Variants in BYSL observed in about 807,000 individuals in gnomAD.
BYSL encodes bystin.
In BYSL, 21 loss-of-function variants were observed where a neutral mutation model predicts 45.4. The ratio of observed to expected loss-of-function variants is 0.46; its 90% CI spans 0.33 to 0.67. The LOEUF is 0.67. BYSL is among the 30% of genes least tolerant of loss of function. The probability of loss-of-function intolerance (pLI) is 0.02; values close to 1 mark genes in which losing one functional copy is unlikely to be tolerated. For missense variants in BYSL, 522 were observed against 578.5 expected (o/e 0.90, Z 1.00); for synonymous variants, 215 against 231.3 (o/e 0.93, Z 0.64).
In BYSL at chr6:41,921,734, A is replaced by T; in HGVS notation, c.172A>T (p.Ile58Phe). Residue 58 changes from isoleucine (I) to phenylalanine (F), a missense_variant, in exon 1 of 7, where the codon ATT becomes TTT. Physicochemically the swap from Ile to Phe is conservative, Grantham distance 21 (BLOSUM62 0). Transcript: ENST00000230340. ...TGTGGGGCCCCGGCTGAGCCGACGG[A>T]TTTTGCAGCAAGCACGGCAGCAACA... ...EYVGPRLSRR[I>F]LQQARQQQEE... is the part of the protein sequence containing the mutation. 1 of 1,613,408 alleles carries T rather than the reference A, an allele frequency of 6.2e-7. No individual in the cohort carries two copies. Among genetic ancestry groups the T allele is most frequent in the South Asian group, 1.1e-5 (1 of 91,054 alleles).
the BYSL span, among the ~76,000 whole-genome samples, chr6:41,911,603 A>G: frequency 6.6e-6 from 1 of 152,226 alleles, no homozygotes; most frequent in African/African-American, 2.4e-5. Flanking sequence ...TTTGAACTGC[A>G]ATATGAAGAG....
the BYSL span, chr6:41,909,322 C>T: frequency 3.1e-6 from 5 of 1,614,140 alleles, no homozygotes; most frequent in Non-Finnish European, 4.2e-6. Context: ...CCCACCTTCA[C>T]CAGGAAGTCA....
upstream of BYSL, among the ~76,000 whole-genome samples, chr6:41,918,233 G>A (rs1340874089): frequency 6.6e-6 from 1 of 152,224 alleles, no homozygotes. Context: ...GCCGGGCATG[G>A]TGGCTCACGC....
At chr6:41,916,610 T>C (rs1208792485), upstream of BYSL, among the ~76,000 whole-genome samples, 1 of 151,636 alleles carries the variant, frequency 6.6e-6, no homozygotes, top group Non-Finnish European at 1.5e-5. Flanking sequence ...AAATAAAGCT[T>C]TCAAAGGCCC....
chr6:41,920,223 T>C (rs1775424728), upstream of BYSL, among the ~76,000 whole-genome samples: 1 of 152,180 alleles, frequency 6.6e-6, no homozygotes, highest in South Asian at 2.1e-4. Context: ...AAACGGGTCC[T>C]AAAGAGATAA....
At chr6:41,908,955 G>A in the BYSL span, 1 of 398,046 alleles carries the variant, frequency 2.5e-6, no homozygotes, top group Non-Finnish European at 4.5e-6. Flanking sequence ...GGCTGAGATG[G>A]GAGGATCAAT....
At chr6:41,922,898 T>G (rs932790785) in intron 1 of BYSL, among the ~76,000 whole-genome samples, 2 of 152,188 alleles carry the variant, frequency 1.3e-5, no homozygotes, top group African/African-American at 2.4e-5. Flanking sequence ...TATTCTTTCA[T>G]TTGCTCGAGA....
chr6:41,927,634 C>T, intron 2 of BYSL, 98 bp downstream of exon 2: 3 of 1,468,848 alleles, frequency 2.0e-6, no homozygotes, highest in Non-Finnish European at 2.8e-6. Flanking sequence ...TTGGAAAGGG[C>T]CCTGGAGTTG....
Position 41,932,691 on chromosome 6 carries a change from C to T in BYSL, c.1299C>T (p.Pro433=), listed in dbSNP as rs777620140. 1.4e-5 allele frequency: 23 copies of T among 1,610,696 alleles called. No individual in the cohort carries two copies. The East Asian group carries it at 4.5e-4, about 31-fold the overall frequency. ...SAVPRDVEDV[P]ITVE ...TCCCCCGCGATGTGGAAGATGTTCC[C>T]ATCACCGTGGAGTGAGGAAAACAGT... The change falls in exon 7 of 7, where the codon CCC becomes CCT. Residue 433 remains proline (P), a synonymous_variant. Transcript: ENST00000230340. This position sits in a 1 kb window ranked among gnomAD's most constrained non-coding sequence, Gnocchi z 4.7.
chr6:41,909,633 C>T, the BYSL span: 6 of 1,483,334 alleles, frequency 4.0e-6, no homozygotes, highest in Non-Finnish European at 5.5e-6. Flanking sequence ...GGCACTACCT[C>T]AGCAGTTCTT....
intron 1 of BYSL, among the ~76,000 whole-genome samples, chr6:41,922,399 G>A (rs1255634521): frequency 6.6e-6 from 1 of 152,242 alleles, no homozygotes; most frequent in Non-Finnish European, 1.5e-5. Context: ...GAGCGAGAGA[G>A]ATGAATTGAA....
intron 1 of BYSL, among the ~76,000 whole-genome samples, chr6:41,925,141 C>T (rs1190062703): frequency 1.3e-5 from 2 of 152,110 alleles, no homozygotes; most frequent in Non-Finnish European, 2.9e-5. Context: ...TAGGGTCTGG[C>T]ACTAAGGAGA....
At position 41,931,384 on chromosome 6, in the gene BYSL, A is replaced by G; in HGVS notation, c.705-12A>G. ...TGTGAGTTGGAAACTTCCCCCGCTTAACTCCCACTAGGATTTTTGCCTCTA... is the reference window on the plus strand; with the variant it reads ...TGTGAGTTGGAAACTTCCCCCGCTTGACTCCCACTAGGATTTTTGCCTCTA... On this transcript the variant is annotated splice_polypyrimidine_tract_variant and intron_variant, in intron 4 of 6. Coordinates refer to ENST00000230340, the MANE Select transcript of BYSL (RefSeq NM_004053.4). 1 of 1,614,016 alleles carries G rather than the reference A, an allele frequency of 6.2e-7. No homozygotes were observed. The highest frequency in any genetic ancestry group is 8.5e-7 in the Non-Finnish European group (1 of 1,179,906).
At chr6:41,917,060 T>A, upstream of BYSL, 1 of 1,036,110 alleles carries the variant, frequency 9.7e-7, no homozygotes, top group South Asian at 1.8e-5. Flanking sequence ...AATTACCTAC[T>A]CTGACCGTCT....
At position 41,932,386 on chromosome 6, in the gene BYSL, A is replaced by G. The variant is rs1378739890; in HGVS notation, c.994A>G (p.Met332Val). Residue 332 changes from methionine (M) to valine (V), a missense_variant, in exon 7 of 7, where the codon ATG becomes GTG. By Grantham distance (21) the Met-to-Val change is conservative. Coordinates refer to ENST00000230340, the MANE Select transcript of BYSL (RefSeq NM_004053.4). The surrounding 1 kb of genome is among the most constrained non-coding windows in gnomAD (Gnocchi z 4.7). The stretch of plus-strand genomic sequence containing the variant: ...TGCGGCCATGCTGAAAATTGCTGAG[A>G]TGGAATACAGCGGTGCCAACAGCAT... ...SSAAMLKIAE[M>V]EYSGANSIFL... The G allele has an allele frequency of 1.2e-6, 2 of 1,612,252 alleles. No homozygotes were observed. The highest frequency in any genetic ancestry group is 2.2e-5 in the East Asian group (1 of 44,878).
In BYSL at chr6:41,930,302, A is replaced by AC. The variant is rs758902882; in HGVS notation, c.570+36dup. ...GCTGAGAGGGGAGCCATGGTGGAAG[A>AC]CCCCTTTGGGGGCTGTGGGCTCCTG... is the stretch of plus-strand genomic sequence containing the variant. On this transcript the variant is annotated intron_variant, in intron 3 of 6. Transcript: ENST00000230340. The AC allele has an allele frequency of 3.6e-5, 57 of 1,601,260 alleles. No homozygotes were observed. In the Middle Eastern group the frequency reaches 6.7e-4, roughly 19 times the overall value.
At position 41,932,057 on chromosome 6, in the gene BYSL, G is replaced by A. The variant is rs1334256546; in HGVS notation, c.968+227G>A. 6.6e-6 allele frequency among the ~76,000 whole-genome samples: 1 copy of A among 152,134 alleles called. No homozygotes were observed. Among genetic ancestry groups the A allele is most frequent in the Non-Finnish European group, 1.5e-5 (1 of 68,028 alleles). ...GTTCTCAGTAAATAGATAAACAAAT[G>A]AGTAGGAAACACAGGAAGAAAGTAG... On this transcript the variant is annotated intron_variant, in intron 6 of 6. Coordinates refer to ENST00000230340, the MANE Select transcript of BYSL (RefSeq NM_004053.4). The surrounding 1 kb of genome is among the most constrained non-coding windows in gnomAD (Gnocchi z 4.7).
chr6:41,921,446 A>T (rs867440899), upstream of BYSL: 15 of 1,387,182 alleles, frequency 1.1e-5, no homozygotes, highest in South Asian at 2.0e-4. Flanking sequence ...TCCGAATGCT[A>T]GGGGGCGCTG....
At chr6:41,928,734 C>T (rs1487247460) in intron 2 of BYSL, among the ~76,000 whole-genome samples, 2 of 152,202 alleles carry the variant, frequency 1.3e-5, no homozygotes, top group Non-Finnish European at 2.9e-5. Context: ...AGCACCTTAA[C>T]TCAAGACTTC....
Sources: allele counts gnomAD v4.1 joint callset (sites outside exome capture counted in the v4.1 genomes callset), GRCh38; gene constraint gnomAD v4.1.1; non-coding constraint Gnocchi (gnomAD v3.1); transcripts MANE v1.5; gene names NCBI Gene and HGNC (gene_info 2026-07-23, HGNC 2026-07-21).